ELMO1: variants seen among roughly 807,000 people sequenced by gnomAD.
The protein encoded by ELMO1 is engulfment and cell motility 1.
In ELMO1, 26 loss-of-function variants were observed where a neutral mutation model predicts 98.9. The observed-to-expected ratio is 0.26, with a 90% CI of 0.19 to 0.36. ELMO1 has a LOEUF of 0.36. ELMO1 is among the 10% of genes least tolerant of loss of function. The pLI is 1.00. For synonymous variants in ELMO1, 346 were observed against 346.0 expected (o/e 1.00, Z 0.00); for missense variants, 627 against 935.2 (o/e 0.67, Z 4.30).
intron 16 of ELMO1, among the ~76,000 whole-genome samples, chr7:36,999,628 A>C (rs570317235): frequency 5.6e-4 from 86 of 152,380 alleles, no homozygotes; most frequent in Non-Finnish European, 1.0e-3. Context: ...AGACTGTGTC[A>C]GAAACCAACA....
At chr7:37,063,784 A>T (rs555543578) in intron 15 of ELMO1, among the ~76,000 whole-genome samples, 21 of 152,098 alleles carry the variant, frequency 1.4e-4, no homozygotes, top group Non-Finnish European at 2.6e-4. Context: ...GAATCAGCAC[A>T]TTGCAACACT....
At chr7:37,408,776 C>T (rs780086932) in intron 1 of ELMO1, among the ~76,000 whole-genome samples, 2 of 152,006 alleles carry the variant, frequency 1.3e-5, no homozygotes, top group Non-Finnish European at 2.9e-5. Flanking sequence ...AAGGGGAAGT[C>T]GTTTTTCAGT....
At chr7:36,892,410 A>T (rs929498223) in intron 17 of ELMO1, among the ~76,000 whole-genome samples, 1 of 152,020 alleles carries the variant, frequency 6.6e-6, no homozygotes, top group African/African-American at 2.4e-5. Flanking sequence ...CCTGTAACTA[A>T]GCAATGAGCC....
At chr7:36,950,409 A>G (rs569331893) in intron 16 of ELMO1, among the ~76,000 whole-genome samples, 3 of 152,224 alleles carry the variant, frequency 2.0e-5, no homozygotes, top group Admixed American at 6.5e-5. Context: ...CACTCTTCAC[A>G]GTGGGTGACT....
At chr7:36,874,058 G>A (rs147373577) in intron 19 of ELMO1, among the ~76,000 whole-genome samples, 1 of 152,370 alleles carries the variant, frequency 6.6e-6, no homozygotes, top group Non-Finnish European at 1.5e-5. Context: ...GCATGGAATG[G>A]TGGGGAAAAG....
chr7:37,359,396 T>C (rs1036917027), intron 1 of ELMO1, among the ~76,000 whole-genome samples: 3 of 152,200 alleles, frequency 2.0e-5, no homozygotes, highest in African/African-American at 4.8e-5. Flanking sequence ...AGTTTACTCA[T>C]CTGTAAAATG....
At chr7:36,924,475 T>C (rs1435442167) in intron 16 of ELMO1, among the ~76,000 whole-genome samples, 1 of 152,030 alleles carries the variant, frequency 6.6e-6, no homozygotes, top group Non-Finnish European at 1.5e-5. Flanking sequence ...AAAAATAGAA[T>C]CCCAGAGACC....
chr7:37,391,924 A>G (rs1803096294), intron 1 of ELMO1, among the ~76,000 whole-genome samples: 2 of 152,204 alleles, frequency 1.3e-5, no homozygotes, highest in Non-Finnish European at 1.5e-5. Context: ...CCCCCCTAAG[A>G]AAGCATTCAG....
chr7:37,134,779 G>A (rs1449548489), intron 13 of ELMO1, among the ~76,000 whole-genome samples: 1 of 152,138 alleles, frequency 6.6e-6, no homozygotes, highest in Non-Finnish European at 1.5e-5. Flanking sequence ...GATGGAACTG[G>A]AAGCCATTAT....
intron 10 of ELMO1, chr7:37,217,772 C>A: frequency 2.2e-6 from 1 of 457,028 alleles, no homozygotes; most frequent in Non-Finnish European, 4.4e-6. Flanking sequence ...GGCGTCATCG[C>A]CACCACAGAA....
intron 16 of ELMO1, among the ~76,000 whole-genome samples, chr7:36,920,221 A>G (rs956499342): frequency 6.6e-6 from 1 of 152,236 alleles, no homozygotes; most frequent in African/African-American, 2.4e-5. Flanking sequence ...GAAGTCAATG[A>G]GTATGTGAAA....
At chr7:37,061,291 G>T (rs1796653737) in intron 15 of ELMO1, among the ~76,000 whole-genome samples, 1 of 152,128 alleles carries the variant, frequency 6.6e-6, no homozygotes, top group Non-Finnish European at 1.5e-5. Context: ...AAAACTAAGG[G>T]TTTCTACATA....
At chr7:37,315,316 A>G (rs1284414838) in intron 3 of ELMO1, among the ~76,000 whole-genome samples, 1 of 152,234 alleles carries the variant, frequency 6.6e-6, no homozygotes, top group Admixed American at 6.5e-5. Context: ...GTATTCTACA[A>G]TCCCCTATCA....
chr7:37,448,259 C>T (rs1003046991), intron 1 of ELMO1, among the ~76,000 whole-genome samples: 8 of 151,870 alleles, frequency 5.3e-5, no homozygotes, highest in Non-Finnish European at 1.0e-4. Context: ...AGCCCCACAT[C>T]CCCCGTCCCC....
At chr7:36,913,541 T>C (rs1352949584) in intron 16 of ELMO1, among the ~76,000 whole-genome samples, 1 of 152,242 alleles carries the variant, frequency 6.6e-6, no homozygotes, top group African/African-American at 2.4e-5. Context: ...ACATTCTTAC[T>C]GTCCTTACAG....
intron 1 of ELMO1, among the ~76,000 whole-genome samples, chr7:37,384,423 GT>G (rs1283016084): frequency 6.6e-6 from 1 of 152,122 alleles, no homozygotes; most frequent in African/African-American, 2.4e-5. Context: ...GAAGTTTCCA[GT>G]TTGTTTATTT....
rs763356306 is a variant in ELMO1 at position 37,138,113 on chromosome 7, C to T, written c.1087-4879G>A. Among the ~76,000 whole-genome samples the T allele has an allele frequency of 2.6e-4, 39 of 151,940 alleles. 1 individual carries two copies. Among genetic ancestry groups the T allele is most frequent in the Middle Eastern group, 6.3e-3 (2 of 316 alleles). ...AGAGGAAAGTTCATAGGATTAAATG[C>T]CTACATCGGAAGTCTGAAAGAGCAC... On this transcript the variant is annotated intron_variant, in intron 13 of 21. Coordinates refer to ENST00000310758, the MANE Select transcript of ELMO1 (RefSeq NM_014800.11).
chr7:37,075,493 A>G (rs1488653044), intron 15 of ELMO1, among the ~76,000 whole-genome samples: 2 of 151,818 alleles, frequency 1.3e-5, no homozygotes, highest in African/African-American at 4.9e-5. Context: ...TATCTTTCCG[A>G]TAAAACCCTG....
Position 37,012,601 on chromosome 7 carries a change from T to C in ELMO1, c.1437+698A>G, listed in dbSNP as rs532580580. 2.0e-5 allele frequency among the ~76,000 whole-genome samples: 3 copies of C among 152,364 alleles called. No homozygotes were observed. In the East Asian group the frequency reaches 5.8e-4, roughly 29 times the overall value. On this transcript the variant is annotated intron_variant, in intron 16 of 21. Coordinates refer to ENST00000310758, the MANE Select transcript of ELMO1 (RefSeq NM_014800.11). ...TGCTTCTCTATGAAAGCATGGATAG[T>C]GCTTCTGCTCTAAGTTGGCCAATGC...
Sources: allele counts gnomAD v4.1 joint callset (sites outside exome capture counted in the v4.1 genomes callset), GRCh38; gene constraint gnomAD v4.1.1; transcripts MANE v1.5; gene names NCBI Gene and HGNC (gene_info 2026-07-23, HGNC 2026-07-21).